PPP2R5B: variants seen among roughly 807,000 people sequenced by gnomAD.
The protein encoded by PPP2R5B is serine/threonine-protein phosphatase 2A 56 kDa regulatory subunit beta isoform.
Under a neutral mutation model 59.9 loss-of-function variants are expected in PPP2R5B, and 19 were observed. The observed-to-expected ratio is 0.32, with a 90% CI of 0.22 to 0.47. The LOEUF (loss-of-function observed/expected upper bound fraction) is 0.47. Ranked by LOEUF, PPP2R5B falls within the 20% of genes least tolerant of loss-of-function variation. PPP2R5B has a pLI of 1.00. For missense variants in PPP2R5B, 441 were observed against 640.2 expected (o/e 0.69, Z 3.36); for synonymous variants, 286 against 260.5 (o/e 1.10, Z -0.94).
upstream of PPP2R5B, among the ~76,000 whole-genome samples, chr11:64,920,775 G>A (rs547207837): frequency 8.6e-5 from 13 of 151,246 alleles, no homozygotes; most frequent in South Asian, 2.5e-3. Context: ...AATTACAGGC[G>A]TGCACCACCA....
At position 64,925,865 on chromosome 11, in the gene PPP2R5B, C is replaced by G; in HGVS notation, c.131C>G (p.Ser44Cys). Residue 44 changes from serine (S) to cysteine (C), a missense_variant, in exon 2 of 14, where the codon TCC becomes TGC. Physicochemically the swap from Ser to Cys is moderately radical, Grantham distance 112. Around this residue, in one of 3 missense-constraint regions of PPP2R5B, gnomAD observed 103 missense variants for 87.9 expected, o/e 1.17. Coordinates refer to ENST00000164133, the MANE Select transcript of PPP2R5B (RefSeq NM_006244.4). This position sits in a 1 kb window ranked among gnomAD's most constrained non-coding sequence, Gnocchi z 4.6. Reference sequence around the variant, plus strand: ...CTCCGCAGAGCCCGGCCCCGCCGCTCCCACAGCTCCTCTCAGTTCCGCTAT... The same window carrying G: ...CTCCGCAGAGCCCGGCCCCGCCGCTGCCACAGCTCCTCTCAGTTCCGCTAT... ...RSLRRARPRR[S>C]HSSSQFRYQS... is the part of the protein sequence containing the mutation. The G allele has an allele frequency of 6.2e-7, 1 of 1,611,928 alleles. No individual in the cohort carries two copies. Among genetic ancestry groups the G allele is most frequent in the Non-Finnish European group, 8.5e-7 (1 of 1,179,864 alleles).
Position 64,931,670 on chromosome 11 carries a change from G to A in PPP2R5B, c.996+61G>A. 1.2e-6 allele frequency: 2 copies of A among 1,613,820 alleles called. No individual in the cohort carries two copies. Among genetic ancestry groups the A allele is most frequent in the Non-Finnish European group, 1.7e-6 (2 of 1,179,922 alleles). On this transcript the variant is annotated intron_variant, in intron 10 of 13. Coordinates refer to ENST00000164133, the MANE Select transcript of PPP2R5B (RefSeq NM_006244.4). This position sits in a 1 kb window ranked among gnomAD's most constrained non-coding sequence, Gnocchi z 5.0. ...GCTGGGAGGGCTCGGCCTCTAGAAG[G>A]CAGTCAGGTGTGTGTATGTGTAGGG...
At chr11:64,918,812 T>A (rs780253166) in intron 1 of PPP2R5B, among the ~76,000 whole-genome samples, 4 of 152,132 alleles carry the variant, frequency 2.6e-5, no homozygotes, top group Non-Finnish European at 5.9e-5. Context: ...TAATCTTACT[T>A]GGGAGCTGGA....
At chr11:64,922,537 CTG>C (rs1268875685), upstream of PPP2R5B, among the ~76,000 whole-genome samples, 4 of 151,888 alleles carry the variant, frequency 2.6e-5, no homozygotes, top group African/African-American at 4.8e-5. Flanking sequence ...CCAAGTGACA[CTG>C]TGCCTATTTT....
chr11:64,919,754 T>C (rs991751365), upstream of PPP2R5B, among the ~76,000 whole-genome samples: 1 of 151,400 alleles, frequency 6.6e-6, no homozygotes, highest in African/African-American at 2.4e-5. Context: ...ATTGCCACCA[T>C]GAATTAAGCC....
chr11:64,929,679 T>C (rs1320524223), intron 6 of PPP2R5B, among the ~76,000 whole-genome samples: 1 of 152,156 alleles, frequency 6.6e-6, no homozygotes, highest in Non-Finnish European at 1.5e-5. Context: ...TGAGCCAAGA[T>C]TGCGCCACTG....
chr11:64,924,641 C>A (rs543364127), upstream of PPP2R5B: 1 of 152,366 alleles, frequency 6.6e-6, no homozygotes, highest in Admixed American at 6.5e-5. Flanking sequence ...ACGCAGCCCC[C>A]CCTTTCAGCC....
intron 4 of PPP2R5B, 27 bp downstream of exon 4, chr11:64,927,930 T>G: frequency 6.3e-7 from 1 of 1,578,752 alleles, no homozygotes; most frequent in Admixed American, 1.7e-5. Context: ...AAGACAGAGA[T>G]CCAAGTTTCA....
chr11:64,918,627 G>C (rs1346795186), intron 1 of PPP2R5B, among the ~76,000 whole-genome samples: 1 of 151,756 alleles, frequency 6.6e-6, no homozygotes, highest in Non-Finnish European at 1.5e-5. Context: ...CACCGTGCCC[G>C]GCCTATGTTT....
rs944453414 is a variant in PPP2R5B at position 64,934,032 on chromosome 11, ATGCTCAGCCCCTCG to A, written c.*191_*204del. On this transcript the variant is annotated 3_prime_UTR_variant, in exon 14 of 14. Transcript: ENST00000164133. ...AGGCAATGGTGGTCTTGGCAACAGAATGCTCAGCCCCTCGTGGCAGGACTTGACAAGGGCAAGCT... is the reference window on the plus strand; with the variant it reads ...AGGCAATGGTGGTCTTGGCAACAGAATGGCAGGACTTGACAAGGGCAAGCT... The A allele has an allele frequency of 5.6e-5, 38 of 673,410 alleles. No individual in the cohort carries two copies. The highest frequency in any genetic ancestry group is 4.8e-4 in the African/African-American group (26 of 53,712). 41.7% of individuals were successfully genotyped at this position (673,410 alleles called of 1,614,324 possible).
chr11:64,925,684 CCCAGAGAGAACCCCCGGGG>C lies in PPP2R5B; in HGVS notation c.-49_-31del. ...CCAGTCTCACCCAGCACCTCCCAGG[CCCAGAGAGAACCCCCGGGG>C]CTCTGAAAGCTTGCCCTGCCGCCTG... On this transcript the variant is annotated 5_prime_UTR_variant, in exon 2 of 14. Transcript: ENST00000164133. This position sits in a 1 kb window ranked among gnomAD's most constrained non-coding sequence, Gnocchi z 4.6. 3.6e-6 allele frequency: 4 copies of C among 1,107,324 alleles called. No homozygotes were observed. The highest frequency in any genetic ancestry group is 5.3e-6 in the Non-Finnish European group (4 of 755,058). The allele number at this position is 1,107,324 out of a possible 1,614,324, so 68.6% of individuals were successfully genotyped here. A position where few individuals can be genotyped will look rare whatever the true frequency, so the allele number is the denominator to read the frequency against.
intron 6 of PPP2R5B, among the ~76,000 whole-genome samples, chr11:64,929,057 C>A (rs1231405606): frequency 6.6e-6 from 1 of 152,016 alleles, no homozygotes; most frequent in Non-Finnish European, 1.5e-5. Context: ...GTTTTCCAAG[C>A]CCTTTCTCAG....
chr11:64,919,761 A>G (rs972354621), upstream of PPP2R5B, among the ~76,000 whole-genome samples: 2 of 151,794 alleles, frequency 1.3e-5, no homozygotes, highest in African/African-American at 4.8e-5. Context: ...CCATGAATTA[A>G]GCCTGTGTGA....
At chr11:64,927,661 T>G in intron 3 of PPP2R5B, 141 bp from the exon 4 acceptor site, 1 of 662,774 alleles carries the variant, frequency 1.5e-6, no homozygotes, top group Non-Finnish European at 2.6e-6. Context: ...GAGTCGAGAT[T>G]GTACCACTGC....
chr11:64,926,195 T>C (rs1004496601), intron 2 of PPP2R5B, among the ~76,000 whole-genome samples: 18 of 152,184 alleles, frequency 1.2e-4, no homozygotes, highest in Non-Finnish European at 1.5e-5. Flanking sequence ...GTGGGGCCCA[T>C]AGCCTGGGTT....
chr11:64,931,317 A>G lies in PPP2R5B; in HGVS notation c.892-119A>G. On this transcript the variant is annotated intron_variant, in intron 8 of 13. Coordinates refer to ENST00000164133, the MANE Select transcript of PPP2R5B (RefSeq NM_006244.4). The surrounding 1 kb of genome is among the most constrained non-coding windows in gnomAD (Gnocchi z 5.0). Reference sequence around the variant, plus strand: ...TAGGCAGGTGATAAATGCTTGGTGAATAAGAAAGTAACAGGCCGTGGGTGA... The same window carrying G: ...TAGGCAGGTGATAAATGCTTGGTGAGTAAGAAAGTAACAGGCCGTGGGTGA... 2 of 1,098,978 alleles carry G rather than the reference A, an allele frequency of 1.8e-6. No homozygotes were observed. The highest frequency in any genetic ancestry group is 2.7e-6 in the Non-Finnish European group (2 of 741,072). The allele number at this position is 1,098,978 out of a possible 1,614,324, so 68.1% of individuals were successfully genotyped here.
chr11:64,928,407 G>T lies in PPP2R5B; in HGVS notation c.704G>T (p.Cys235Phe). 1 of 1,614,208 alleles carries T rather than the reference G, an allele frequency of 6.2e-7. No homozygotes were observed. Among genetic ancestry groups the T allele is most frequent in the Non-Finnish European group, 8.5e-7 (1 of 1,180,024 alleles). ...LGLRAYIRKQ[C>F]NHIFLRFIYE... ...CTCCGGGCCTACATCCGCAAACAGT[G>T]CAACCACATCTTCCTCCGGTGAGTG... The change falls in exon 6 of 14, where the codon TGC becomes TTC. Residue 235 changes from cysteine to phenylalanine, a missense_variant. Transcript: ENST00000164133.
At position 64,934,139 on chromosome 11, in the gene PPP2R5B, T is replaced by C; in HGVS notation, c.*295T>C. On this transcript the variant is annotated 3_prime_UTR_variant, in exon 14 of 14. Transcript: ENST00000164133. ...AGCTAGGCTCCAGCTGCAGGCGGGC[T>C]CCCACCCTCTGCTCCTGGCCTTGGG... 1 of 355,848 alleles carries C rather than the reference T, an allele frequency of 2.8e-6. No individual in the cohort carries two copies. The highest frequency in any genetic ancestry group is 5.0e-6 in the Non-Finnish European group (1 of 198,662). The allele number at this position is 355,848 out of a possible 1,614,324, so 22.0% of individuals were successfully genotyped here. A position where few individuals can be genotyped will look rare whatever the true frequency, so the allele number is the denominator to read the frequency against.
rs572024202 is a variant in PPP2R5B, at chr11:64,931,091, G to T, written c.892-345G>T. Among the ~76,000 whole-genome samples the T allele has an allele frequency of 2.6e-5, 4 of 152,140 alleles. No homozygotes were observed. In the East Asian group the frequency reaches 7.7e-4, roughly 29 times the overall value. ...AGACAGTGTCTTGCTATGTTACCTA[G>T]GCTGGTCTCAAACTCCCAGGCTCAA... On this transcript the variant is annotated intron_variant, in intron 8 of 13. Transcript: ENST00000164133. This position sits in a 1 kb window ranked among gnomAD's most constrained non-coding sequence, Gnocchi z 5.0.
Sources: allele counts gnomAD v4.1 joint callset (sites outside exome capture counted in the v4.1 genomes callset), GRCh38; gene constraint gnomAD v4.1.1; regional missense constraint gnomAD v4.1.1; non-coding constraint Gnocchi (gnomAD v3.1); transcripts MANE v1.5; gene names NCBI Gene and HGNC (gene_info 2026-07-23, HGNC 2026-07-21).